The following SHISA9 variants were observed in gnomAD, a reference collection of about 807,000 sequenced individuals.
The protein encoded by SHISA9 is protein shisa-9.
A neutral mutation model predicts 38.0 loss-of-function variants in SHISA9; 13 were observed. The observed-to-expected ratio is 0.34, with a 90% CI of 0.22 to 0.54. The LOEUF is 0.54. Ranked by LOEUF, SHISA9 falls within the 20% of genes least tolerant of loss-of-function variation. The pLI is 0.91. For missense variants in SHISA9, 538 were observed against 575.8 expected (o/e 0.93, Z 0.67); for synonymous variants, 275 against 242.0 (o/e 1.14, Z -1.27).
chr16:13,092,900 C>T (rs1291151219), intron 2 of SHISA9, among the ~76,000 whole-genome samples: 3 of 152,196 alleles, frequency 2.0e-5, no homozygotes, highest in Admixed American at 6.5e-5. Flanking sequence ...CCATCTTCTG[C>T]GTCTGTCATG....
At chr16:13,001,162 A>G (rs776745585) in intron 2 of SHISA9, among the ~76,000 whole-genome samples, 2 of 152,228 alleles carry the variant, frequency 1.3e-5, no homozygotes, top group African/African-American at 4.8e-5. Flanking sequence ...TCCTGACATC[A>G]GGTGATCTGC....
the SHISA9 span, among the ~76,000 whole-genome samples, chr16:13,493,056 T>C: frequency 6.6e-6 from 1 of 152,182 alleles, no homozygotes; most frequent in Non-Finnish European, 1.5e-5. Flanking sequence ...GTAAAGCTAT[T>C]GGAGAGTTTT....
chr16:13,049,884 G>A lies in SHISA9; in HGVS notation c.691+133069G>A, dbSNP rs114125942. Among the ~76,000 whole-genome samples, 949 of 152,050 alleles carry A rather than the reference G, an allele frequency of 6.2e-3. 13 individuals carry two copies. The highest frequency in any genetic ancestry group is 0.022 in the African/African-American group (900 of 41,466). On this transcript the variant is annotated intron_variant, in intron 2 of 4. Transcript: ENST00000558583. ...CTCTCGGTGCATTGGTACAGCATCC[G>A]GAACCCCACTCCTGGTACTTTTCCG... is the stretch of plus-strand genomic sequence containing the variant.
At chr16:13,183,359 A>G (rs2050793628) in intron 2 of SHISA9, among the ~76,000 whole-genome samples, 1 of 152,270 alleles carries the variant, frequency 6.6e-6, no homozygotes, top group Non-Finnish European at 1.5e-5. Context: ...GTACTTAGAA[A>G]CCTTGAACAC....
chr16:13,499,564 C>T, the SHISA9 span, among the ~76,000 whole-genome samples: 2 of 152,142 alleles, frequency 1.3e-5, no homozygotes, highest in Non-Finnish European at 2.9e-5. Flanking sequence ...TGATTCTTAT[C>T]TTCTTCTTAA....
At chr16:12,962,363 A>C (rs899421972) in intron 2 of SHISA9, among the ~76,000 whole-genome samples, 9 of 152,150 alleles carry the variant, frequency 5.9e-5, no homozygotes, top group African/African-American at 2.2e-4. Flanking sequence ...CCAGTTCCCC[A>C]GTTGCATGAA....
the SHISA9 span, among the ~76,000 whole-genome samples, chr16:13,538,158 T>C: frequency 6.6e-6 from 1 of 152,188 alleles, no homozygotes. Flanking sequence ...CTCCTGAATT[T>C]ACTGGGGTGG....
the SHISA9 span, among the ~76,000 whole-genome samples, chr16:13,343,097 A>G: frequency 2.0e-5 from 3 of 152,100 alleles, no homozygotes; most frequent in African/African-American, 7.2e-5. Context: ...TGTTAATATG[A>G]TTATTTTTGT....
At chr16:13,412,222 G>A in the SHISA9 span, among the ~76,000 whole-genome samples, 1 of 152,234 alleles carries the variant, frequency 6.6e-6, no homozygotes, top group South Asian at 2.1e-4. Context: ...ATCCAACCTG[G>A]GGAATGTTTC....
intron 2 of SHISA9, among the ~76,000 whole-genome samples, chr16:13,063,514 C>T (rs766868286): frequency 1.3e-5 from 2 of 152,162 alleles, no homozygotes; most frequent in African/African-American, 2.4e-5. Context: ...ACACTAACTT[C>T]TGCCTCCGTG....
intron 2 of SHISA9, among the ~76,000 whole-genome samples, chr16:13,182,478 T>A (rs936750761): frequency 6.6e-6 from 1 of 152,212 alleles, no homozygotes; most frequent in Non-Finnish European, 1.5e-5. Context: ...CCGGTTAGGT[T>A]TATAACACTG....
chr16:13,267,540 C>G, the SHISA9 span, among the ~76,000 whole-genome samples: 5 of 152,128 alleles, frequency 3.3e-5, no homozygotes, highest in Non-Finnish European at 7.3e-5. Context: ...AATTCTACCT[C>G]CAAGACAGCA....
intron 2 of SHISA9, among the ~76,000 whole-genome samples, chr16:12,958,444 T>G (rs1463380699): frequency 6.6e-6 from 1 of 152,184 alleles, no homozygotes; most frequent in East Asian, 1.9e-4. Context: ...GAAGCCCAAA[T>G]CTCTGCTTTG....
the SHISA9 span, among the ~76,000 whole-genome samples, chr16:13,488,672 CA>C: frequency 0.28 from 43,314 of 152,102 alleles, 6,758 homozygotes; most frequent in East Asian, 0.37. Context: ...TAGGTGATAT[CA>C]TCTAAGTTTG....
intron 2 of SHISA9, among the ~76,000 whole-genome samples, chr16:13,037,082 AC>A (rs1383630690): frequency 0.011 from 699 of 62,960 alleles, 20 homozygotes; most frequent in African/African-American, 0.041. Flanking sequence ...ACACACACAC[AC>A]CACACCACAC....
At chr16:12,976,120 C>G (rs1286614771) in intron 2 of SHISA9, among the ~76,000 whole-genome samples, 1 of 152,056 alleles carries the variant, frequency 6.6e-6, no homozygotes, top group Non-Finnish European at 1.5e-5. Context: ...CAGAGTCTTG[C>G]TTTGTCACCC....
At chr16:12,994,809 G>A (rs1169425531) in intron 2 of SHISA9, among the ~76,000 whole-genome samples, 1 of 152,164 alleles carries the variant, frequency 6.6e-6, no homozygotes, top group Non-Finnish European at 1.5e-5. Flanking sequence ...CGTATCTTTG[G>A]CATAGACAGC....
intron 2 of SHISA9, among the ~76,000 whole-genome samples, chr16:12,971,732 A>G (rs11075177): frequency 0.38 from 57,089 of 152,008 alleles, 11,277 homozygotes; most frequent in Middle Eastern, 0.52. Context: ...GTAGGGGTGG[A>G]TCTTTGGTGC....
At chr16:13,396,141 T>A in the SHISA9 span, among the ~76,000 whole-genome samples, 1 of 152,184 alleles carries the variant, frequency 6.6e-6, no homozygotes, top group Admixed American at 6.5e-5. Flanking sequence ...GATACTAACA[T>A]TGCATAGAAT....
Sources: gnomAD v4.1 joint callset for allele counts (sites outside exome capture counted in the v4.1 genomes callset) on GRCh38, gnomAD v4.1.1 for gene constraint, MANE v1.5 for transcripts, NCBI Gene and HGNC (gene_info 2026-07-23, HGNC 2026-07-21) for gene names.